The following SLC8B1 variants were observed in gnomAD, a reference collection of about 807,000 sequenced individuals.
The protein encoded by SLC8B1 is mitochondrial sodium/calcium exchanger protein.
Under a neutral mutation model 63.4 loss-of-function variants are expected in SLC8B1, and 52 were observed. The ratio of observed to expected loss-of-function variants is 0.82; its 90% CI spans 0.66 to 1.03. The LOEUF is 1.03. Among genes scored for constraint, SLC8B1 ranks in the 50% least tolerant of loss-of-function variants. The probability of loss-of-function intolerance (pLI) is 0.00; values close to 1 mark genes in which losing one functional copy is unlikely to be tolerated. For missense variants in SLC8B1, 657 were observed against 741.7 expected (o/e 0.89, Z 1.33); for synonymous variants, 336 against 323.9 (o/e 1.04, Z -0.40).
chr12:113,331,620 T>A (rs1156660402), intron 2 of SLC8B1, among the ~76,000 whole-genome samples: 1 of 152,158 alleles, frequency 6.6e-6, no homozygotes, highest in Non-Finnish European at 1.5e-5. Flanking sequence ...CTCTTGGACC[T>A]TCAGCCACAG....
chr12:113,299,828 A>C lies in SLC8B1; in HGVS notation c.1704T>G (p.Leu568=). ...CAAATTCAGTGAGGAGGGCCACGAC[A>C]AGGAAGTTCAGGTAGAAGAGGAGCA... ...FCLLLFYLNF[L]VVALLTEFGV... Residue 568 remains leucine, a synonymous_variant, in exon 16 of 16, where the codon CTT becomes CTG. Transcript: ENST00000680972. 6.2e-7 allele frequency: 1 copy of C among 1,614,220 alleles called. No individual in the cohort carries two copies. Among genetic ancestry groups the C allele is most frequent in the Non-Finnish European group, 8.5e-7 (1 of 1,180,038 alleles).
intron 2 of SLC8B1, among the ~76,000 whole-genome samples, chr12:113,332,383 T>C (rs1006734464): frequency 2.6e-5 from 4 of 152,192 alleles, no homozygotes; most frequent in Admixed American, 6.5e-5. Flanking sequence ...GCAATTCTCC[T>C]GCCTCAGGGT....
rs1458679634 is a variant in SLC8B1, at chr12:113,316,538, G to C, written c.981C>G (p.Leu327=). The C allele has an allele frequency of 6.2e-7, 1 of 1,614,110 alleles. No individual in the cohort carries two copies. The highest frequency in any genetic ancestry group is 8.5e-7 in the Non-Finnish European group (1 of 1,179,974). The change falls in exon 10 of 16, where the codon CTC becomes CTG. Residue 327 remains leucine, a synonymous_variant. Transcript: ENST00000680972. ...WRRKSAYWKA[L]KVFKLPVEFL... Reference sequence around the variant, plus strand: ...AGGACCCTCCTACCTTGAACACCTTGAGGGCTTTCCAGTATGCTGATTTCC... The same window carrying C: ...AGGACCCTCCTACCTTGAACACCTTCAGGGCTTTCCAGTATGCTGATTTCC...
At chr12:113,314,367 G>C (rs1291001280) in intron 11 of SLC8B1, among the ~76,000 whole-genome samples, 3 of 152,262 alleles carry the variant, frequency 2.0e-5, no homozygotes, top group Non-Finnish European at 4.4e-5. Context: ...ATCTGCACCA[G>C]AGTCCTACCC....
chr12:113,321,345 G>C lies in SLC8B1; in HGVS notation c.160C>G (p.Arg54Gly), dbSNP rs770026994. Residue 54 changes from arginine to glycine, a missense_variant, in exon 3 of 16, where the codon CGC (arginine) becomes GGC (glycine). Arg to Gly is a moderately radical substitution (Grantham distance 125). Coordinates refer to ENST00000680972, the MANE Select transcript of SLC8B1 (RefSeq NM_001358345.2). Reference protein sequence around the residue: ...GVNQTPVVDCRKVCGLNVSDR... With the variant: ...GVNQTPVVDCGKVCGLNVSDR... ...GAGACATTCAGGCCACACACCTTGCGGCACTGCAGGAAGACAGGGAGGGGG... is the reference window on the plus strand; with the variant it reads ...GAGACATTCAGGCCACACACCTTGCCGCACTGCAGGAAGACAGGGAGGGGG... 6.2e-7 allele frequency: 1 copy of C among 1,614,116 alleles called. No homozygotes were observed. Among genetic ancestry groups the C allele is most frequent in the South Asian group, 1.1e-5 (1 of 91,078 alleles).
At chr12:113,307,995 G>T in intron 12 of SLC8B1, 151 bp from the exon 13 acceptor site, 2 of 873,504 alleles carry the variant, frequency 2.3e-6, no homozygotes, top group Non-Finnish European at 3.3e-6. Context: ...TGGTGCCTGT[G>T]CAAAGTTAGT....
rs749226566 is a variant in SLC8B1, at chr12:113,299,903, G to T, written c.1629C>A (p.Val543=). 1 of 1,614,108 alleles carries T rather than the reference G, an allele frequency of 6.2e-7. No homozygotes were observed. The highest frequency in any genetic ancestry group is 1.1e-5 in the South Asian group (1 of 91,090). The part of the protein sequence containing the change: ...ALGLSLVFSL[V]SVPLQCFQLS... The stretch of plus-strand genomic sequence containing the variant: ...GCTGGAAGCACTGCAATGGGACTGA[G>T]ACCAGGGAGAAGACGAGGCTGAGCC... The change falls in exon 16 of 16, where the codon GTC becomes GTA. Residue 543 remains valine (V), a synonymous_variant. Transcript: ENST00000680972.
At chr12:113,326,680 TCTC>T (rs1278809464) in intron 2 of SLC8B1, among the ~76,000 whole-genome samples, 6 of 145,290 alleles carry the variant, frequency 4.1e-5, no homozygotes, top group African/African-American at 5.2e-5. Flanking sequence ...TTTCTTTCTC[TCTC>T]TTTTTTTTTT....
chr12:113,303,470 G>C (rs973547760), intron 15 of SLC8B1, among the ~76,000 whole-genome samples: 3 of 152,062 alleles, frequency 2.0e-5, no homozygotes, highest in African/African-American at 7.2e-5. Context: ...TTCCCATGGC[G>C]AGGCTTAAAA....
chr12:113,307,768 C>A lies in SLC8B1; in HGVS notation c.1334G>T (p.Arg445Leu), dbSNP rs1010770514. ...AAATEVVNIL[R>L]SLGVVFRLSN... ...CAGCCGGAAGACCACACCCAGGGACCGCAAGATGTTCACCACCTCTGTGGC... is the reference window on the plus strand; with the variant it reads ...CAGCCGGAAGACCACACCCAGGGACAGCAAGATGTTCACCACCTCTGTGGC... Residue 445 changes from arginine to leucine, a missense_variant, in exon 13 of 16, where the codon CGG (arginine) becomes CTG (leucine). Physicochemically the swap from Arg to Leu is moderately radical, Grantham distance 102. Coordinates refer to ENST00000680972, the MANE Select transcript of SLC8B1 (RefSeq NM_001358345.2). 1 of 1,613,996 alleles carries A rather than the reference C, an allele frequency of 6.2e-7. No individual in the cohort carries two copies.
chr12:113,299,711 G>A lies in SLC8B1; in HGVS notation c.*66C>T, dbSNP rs1380166408. 4 of 1,529,472 alleles carry A rather than the reference G, an allele frequency of 2.6e-6. No individual in the cohort carries two copies. Among genetic ancestry groups the A allele is most frequent in the South Asian group, 2.3e-5 (2 of 88,660 alleles). The allele number at this position is 1,529,472 out of a possible 1,614,324, so 94.7% of individuals were successfully genotyped here. A position where few individuals can be genotyped will look rare whatever the true frequency, so the allele number is the denominator to read the frequency against. Reference sequence around the variant, plus strand: ...CCTTGCAGAAATGCTCCGGTCCCTGGGCCTCCCCCGGCAGGAGGGGCGGGG... The same window carrying A: ...CCTTGCAGAAATGCTCCGGTCCCTGAGCCTCCCCCGGCAGGAGGGGCGGGG... On this transcript the variant is annotated 3_prime_UTR_variant, in exon 16 of 16. Transcript: ENST00000680972.
chr12:113,303,141 A>ACACACACACACACACG (rs773636454), intron 15 of SLC8B1, among the ~76,000 whole-genome samples: 4,409 of 145,430 alleles, frequency 0.03, 84 homozygotes, highest in Non-Finnish European at 0.038. Flanking sequence ...ACACACACAC[A>ACACACACACACACACG]CGCGCGCGCA....
rs569022122 is a variant in SLC8B1, at chr12:113,303,934, G to A, written c.1557+387C>T. Among the ~76,000 whole-genome samples the A allele has an allele frequency of 2.3e-4, 35 of 152,302 alleles. No individual in the cohort carries two copies. In the South Asian group the frequency reaches 7.3e-3, roughly 32 times the overall value. The stretch of plus-strand genomic sequence containing the variant: ...CTCACTCTGTCGCCCAGGCTGGAGT[G>A]CAGTGGCGCAATCTTGGCTCACTGT... On this transcript the variant is annotated intron_variant, in intron 15 of 15. Transcript: ENST00000680972.
At chr12:113,321,030 A>T (rs1019686858) in intron 4 of SLC8B1, 26 bp downstream of exon 4, 8 of 1,606,792 alleles carry the variant, frequency 5.0e-6, no homozygotes, top group Non-Finnish European at 6.8e-6. Flanking sequence ...TTGATAAGCC[A>T]GACCGGAGCC....
rs370061432 is a variant in SLC8B1, at chr12:113,310,342, C to A, written c.1149G>T (p.Glu383Asp). ...TLQSGTYGVY[E>D]IGGLVPVWVV... ...CCCAGACGGGAACGAGGCCGCCTAT[C>A]TCATAGACACCATCTGCAAAGGGAG... Residue 383 changes from glutamate (E) to aspartate (D), a missense_variant, in exon 12 of 16, where the codon GAG (glutamate) becomes GAT (aspartate). Physicochemically the swap from Glu to Asp is conservative, Grantham distance 45. Coordinates refer to ENST00000680972, the MANE Select transcript of SLC8B1 (RefSeq NM_001358345.2). The A allele has an allele frequency of 2.2e-5, 36 of 1,613,420 alleles. No individual in the cohort carries two copies. Among genetic ancestry groups the A allele is most frequent in the Non-Finnish European group, 2.5e-6 (3 of 1,179,810 alleles).
At chr12:113,313,615 C>T (rs1190302823) in intron 11 of SLC8B1, among the ~76,000 whole-genome samples, 2 of 152,156 alleles carry the variant, frequency 1.3e-5, no homozygotes, top group Non-Finnish European at 2.9e-5. Context: ...GTGGCGGGTG[C>T]CTGTAGTCCC....
chr12:113,331,280 T>C (rs1957050813), intron 2 of SLC8B1, among the ~76,000 whole-genome samples: 1 of 151,082 alleles, frequency 6.6e-6, no homozygotes, highest in Non-Finnish European at 1.5e-5. Flanking sequence ...TCCCAACTAC[T>C]CGGGAGGCTG....
Position 113,300,261 on chromosome 12 carries a change from T to C in SLC8B1, c.1558-287A>G, listed in dbSNP as rs549566239. 4.7e-3 allele frequency among the ~76,000 whole-genome samples: 722 copies of C among 152,296 alleles called. 3 individuals carry two copies. The highest frequency in any genetic ancestry group is 0.01 in the Middle Eastern group (3 of 294). On this transcript the variant is annotated intron_variant, in intron 15 of 15. Coordinates refer to ENST00000680972, the MANE Select transcript of SLC8B1 (RefSeq NM_001358345.2). ...GGGAGGCTGAGGCAGGTGGATCACC[T>C]GAGGTCAGGAGTTCGACCTGTATTG...
At chr12:113,327,607 G>A (rs536649111) in intron 2 of SLC8B1, among the ~76,000 whole-genome samples, 8 of 151,780 alleles carry the variant, frequency 5.3e-5, no homozygotes, top group African/African-American at 1.7e-4. Context: ...ACTTGAACCC[G>A]GGAGGCGGAG....
Sources: gnomAD v4.1 joint callset for allele counts (sites outside exome capture counted in the v4.1 genomes callset) on GRCh38, gnomAD v4.1.1 for gene constraint, MANE v1.5 for transcripts, NCBI Gene and HGNC (gene_info 2026-07-23, HGNC 2026-07-21) for gene names.